GPC5: variants seen among roughly 807,000 people sequenced by gnomAD.
GPC5 encodes glypican-5.
A neutral mutation model predicts 53.9 loss-of-function variants in GPC5; 47 were observed. The ratio of observed to expected loss-of-function variants is 0.87; its 90% CI spans 0.69 to 1.11. GPC5 has a LOEUF of 1.11. Among genes scored for constraint, GPC5 ranks in the 50% most tolerant of loss-of-function variants. The probability of loss-of-function intolerance (pLI) is 0.00; values close to 1 mark genes in which losing one functional copy is unlikely to be tolerated. For synonymous variants in GPC5, 286 were observed against 263.3 expected (o/e 1.09, Z -0.84); for missense variants, 748 against 713.1 (o/e 1.05, Z -0.56).
intron 5 of GPC5, among the ~76,000 whole-genome samples, chr13:91,803,763 GAGAC>G (rs1157171365): frequency 4.8e-5 from 7 of 147,210 alleles, no homozygotes; most frequent in Admixed American, 1.4e-4. Context: ...ATATATAACA[GAGAC>G]AGACAGACAG....
chr13:92,152,616 G>A (rs1019162197), intron 7 of GPC5, among the ~76,000 whole-genome samples: 2 of 152,132 alleles, frequency 1.3e-5, no homozygotes, highest in Admixed American at 6.5e-5. Flanking sequence ...GCGGGCGCCT[G>A]TAGCCCCAGC....
intron 7 of GPC5, among the ~76,000 whole-genome samples, chr13:92,282,763 A>G (rs2042925708): frequency 6.6e-6 from 1 of 152,202 alleles, no homozygotes; most frequent in African/African-American, 2.4e-5. Flanking sequence ...GGAAAGGAAC[A>G]AAAGATACCG....
At chr13:91,436,666 G>T (rs1879996924) in intron 1 of GPC5, among the ~76,000 whole-genome samples, 1 of 152,208 alleles carries the variant, frequency 6.6e-6, no homozygotes, top group Non-Finnish European at 1.5e-5. Context: ...ATATTCTGTT[G>T]ATTTGGGGTG....
chr13:92,014,627 A>T (rs1486601873), intron 6 of GPC5, among the ~76,000 whole-genome samples: 1 of 152,136 alleles, frequency 6.6e-6, no homozygotes, highest in Non-Finnish European at 1.5e-5. Flanking sequence ...TAATGTTACC[A>T]TATTAATTTT....
intron 7 of GPC5, among the ~76,000 whole-genome samples, chr13:92,544,250 A>C (rs1250945639): frequency 6.6e-6 from 1 of 152,126 alleles, no homozygotes; most frequent in African/African-American, 2.4e-5. Context: ...TTTGAAAGGC[A>C]CTAGCTAAAG....
intron 3 of GPC5, among the ~76,000 whole-genome samples, chr13:91,706,542 A>T (rs144481871): frequency 6.6e-6 from 1 of 152,148 alleles, no homozygotes; most frequent in Non-Finnish European, 1.5e-5. Flanking sequence ...TTTTAGAGTC[A>T]TATTTTTAAT....
At chr13:91,981,023 T>C (rs2040352705) in intron 6 of GPC5, among the ~76,000 whole-genome samples, 1 of 152,260 alleles carries the variant, frequency 6.6e-6, no homozygotes, top group African/African-American at 2.4e-5. Flanking sequence ...TGTGAATTCT[T>C]TGCAGTGTGG....
chr13:91,415,207 A>G (rs1878106916), intron 1 of GPC5, among the ~76,000 whole-genome samples: 1 of 151,990 alleles, frequency 6.6e-6, no homozygotes, highest in African/African-American at 2.4e-5. Context: ...ACTTTGAGGG[A>G]CGGTCTCCCC....
intron 6 of GPC5, among the ~76,000 whole-genome samples, chr13:91,961,837 A>G (rs1368302264): frequency 6.6e-6 from 1 of 152,062 alleles, no homozygotes; most frequent in African/African-American, 2.4e-5. Context: ...TATTAAGAGA[A>G]GGGAGTTTGT....
chr13:92,749,877 A>G (rs1889336399), intron 7 of GPC5, among the ~76,000 whole-genome samples: 1 of 152,176 alleles, frequency 6.6e-6, no homozygotes, highest in Non-Finnish European at 1.5e-5. Flanking sequence ...GGGAGTTGCA[A>G]AAAATTAGAG....
At chr13:92,018,774 A>T (rs978846766) in intron 6 of GPC5, among the ~76,000 whole-genome samples, 2 of 152,050 alleles carry the variant, frequency 1.3e-5, no homozygotes, top group Non-Finnish European at 2.9e-5. Flanking sequence ...AATCACTAAG[A>T]ATTCAGGATA....
chr13:92,219,198 C>T (rs191203218), intron 7 of GPC5, among the ~76,000 whole-genome samples: 1 of 152,084 alleles, frequency 6.6e-6, no homozygotes, highest in Non-Finnish European at 1.5e-5. Flanking sequence ...CCCACTGTGT[C>T]ACTTACTAGA....
At chr13:91,710,129 C>T (rs2036195056) in intron 3 of GPC5, among the ~76,000 whole-genome samples, 1 of 152,176 alleles carries the variant, frequency 6.6e-6, no homozygotes, top group South Asian at 2.1e-4. Flanking sequence ...GAAGCTTATA[C>T]AGATAATTCA....
intron 7 of GPC5, among the ~76,000 whole-genome samples, chr13:92,691,208 C>G (rs1472945889): frequency 9.8e-6 from 1 of 101,642 alleles, no homozygotes; most frequent in Non-Finnish European, 1.9e-5. Flanking sequence ...GCTGTGCTAG[C>G]AATCAGCGAG....
intron 6 of GPC5, among the ~76,000 whole-genome samples, chr13:92,105,440 A>G (rs2041502529): frequency 6.6e-6 from 1 of 152,114 alleles, no homozygotes; most frequent in Non-Finnish European, 1.5e-5. Flanking sequence ...TATTTACCGA[A>G]TATTTTCAGG....
intron 7 of GPC5, among the ~76,000 whole-genome samples, chr13:92,654,586 C>A (rs1886064397): frequency 6.6e-6 from 1 of 152,228 alleles, no homozygotes; most frequent in African/African-American, 2.4e-5. Flanking sequence ...GATTCAGGAT[C>A]CTGCATTTAA....
intron 7 of GPC5, among the ~76,000 whole-genome samples, chr13:92,730,706 G>A (rs903378203): frequency 1.3e-5 from 2 of 151,194 alleles, no homozygotes; most frequent in South Asian, 2.1e-4. Flanking sequence ...GAGAGAAGGT[G>A]AAGGTCCAAG....
At chr13:92,078,806 T>C (rs1420526989) in intron 6 of GPC5, among the ~76,000 whole-genome samples, 1 of 152,186 alleles carries the variant, frequency 6.6e-6, no homozygotes, top group Admixed American at 6.5e-5. Flanking sequence ...CTTTGCATGC[T>C]GCCATTTTTA....
intron 6 of GPC5, among the ~76,000 whole-genome samples, chr13:92,121,757 C>CT (rs1483176209): frequency 1.3e-5 from 2 of 152,160 alleles, no homozygotes; most frequent in African/African-American, 4.8e-5. Context: ...TTCTTAGTGC[C>CT]TGACCTCCTT....
Sources: gnomAD v4.1 joint callset for allele counts (sites outside exome capture counted in the v4.1 genomes callset) on GRCh38, gnomAD v4.1.1 for gene constraint, MANE v1.5 for transcripts, NCBI Gene and HGNC (gene_info 2026-07-23, HGNC 2026-07-21) for gene names.